The following MACROD1 variants were observed in gnomAD, a reference collection of about 807,000 sequenced individuals.
MACROD1 encodes mono-ADP ribosylhydrolase 1, also known as ADP-ribose glycohydrolase MACROD1.
In MACROD1, 31 loss-of-function variants were observed where a neutral mutation model predicts 41.4. The ratio of observed to expected loss-of-function variants is 0.75; its 90% CI spans 0.56 to 1.01. MACROD1 has a LOEUF of 1.01. Ranked by LOEUF, MACROD1 falls within the 50% of genes least tolerant of loss-of-function variation. MACROD1 has a pLI of 0.00. For synonymous variants in MACROD1, 252 were observed against 203.4 expected, an observed-to-expected ratio of 1.24 and a Z score of -2.03; for missense variants, 473 against 460.0, an observed-to-expected ratio of 1.03 and a Z score of -0.26.
intron 3 of MACROD1, chr11:64,116,822 C>T: frequency 6.2e-7 from 1 of 1,613,152 alleles, no homozygotes; most frequent in East Asian, 2.2e-5. Flanking sequence ...TCTTCCTGAG[C>T]CGGAACCACC....
At chr11:64,044,503 C>T (rs1369799841) in intron 3 of MACROD1, among the ~76,000 whole-genome samples, 5 of 152,138 alleles carry the variant, frequency 3.3e-5, no homozygotes, top group African/African-American at 1.2e-4. Context: ...CCCGCCTTGG[C>T]CTCCTGATTA....
At chr11:64,016,545 C>G (rs1372381809) in intron 3 of MACROD1, among the ~76,000 whole-genome samples, 1 of 152,170 alleles carries the variant, frequency 6.6e-6, no homozygotes, top group South Asian at 2.1e-4. Context: ...GGCTGCAGGC[C>G]CAAGATGCCG....
intron 3 of MACROD1, among the ~76,000 whole-genome samples, chr11:64,019,122 T>C (rs1182338053): frequency 6.6e-6 from 1 of 152,186 alleles, no homozygotes; most frequent in East Asian, 1.9e-4. Flanking sequence ...AAGCACACCC[T>C]GGAGGCTGTG....
chr11:64,057,124 C>G (rs1034004051), intron 3 of MACROD1, among the ~76,000 whole-genome samples: 7 of 152,238 alleles, frequency 4.6e-5, no homozygotes, highest in African/African-American at 1.7e-4. Context: ...CATCGGCTCC[C>G]TAAGTGCTTG....
intron 3 of MACROD1, among the ~76,000 whole-genome samples, chr11:64,077,102 C>T (rs1016806143): frequency 6.6e-6 from 1 of 152,134 alleles, no homozygotes. Context: ...AGCCCAGTGC[C>T]CTCCACCTCA....
At chr11:64,132,056 C>T (rs1364543179) in intron 3 of MACROD1, among the ~76,000 whole-genome samples, 1 of 152,160 alleles carries the variant, frequency 6.6e-6, no homozygotes, top group Admixed American at 6.5e-5. Context: ...CTGCACCTTC[C>T]CCTGCTCTGG....
At chr11:64,001,349 C>G (rs945910059) in intron 4 of MACROD1, 2 of 686,964 alleles carry the variant, frequency 2.9e-6, no homozygotes, top group Admixed American at 4.2e-5. Flanking sequence ...GAGGACAGGG[C>G]CCATCTTTGG....
chr11:64,139,945 G>C (rs191739721), intron 3 of MACROD1, among the ~76,000 whole-genome samples: 2,182 of 134,608 alleles, frequency 0.016, 28 homozygotes, highest in Non-Finnish European at 0.019. Flanking sequence ...GACAGAGCGA[G>C]ACTCAGTCTC....
At chr11:64,105,214 T>C (rs769744810) in intron 3 of MACROD1, among the ~76,000 whole-genome samples, 31 of 152,322 alleles carry the variant, frequency 2.0e-4, no homozygotes, top group Admixed American at 1.3e-3. Context: ...GAGCCGGAGC[T>C]GGGCTGGCTG....
At chr11:64,006,581 A>T (rs535504246) in intron 4 of MACROD1, among the ~76,000 whole-genome samples, 2 of 152,338 alleles carry the variant, frequency 1.3e-5, no homozygotes, top group East Asian at 3.9e-4. Flanking sequence ...TGCCTCATTC[A>T]TCATGCAAAA....
intron 3 of MACROD1, among the ~76,000 whole-genome samples, chr11:64,049,117 G>C (rs1943642261): frequency 6.6e-6 from 1 of 152,210 alleles, no homozygotes. Context: ...ATTCACTGGA[G>C]TGGGGAACAG....
Position 64,067,479 on chromosome 11 carries a change from G to T in MACROD1, c.518-52198C>A, listed in dbSNP as rs900067637. ...AGACGCCCAGCTCAGATAACAGAAGGGAGGAGATAGGTCGGGGACGGGGAC... is the reference window on the plus strand; with the variant it reads ...AGACGCCCAGCTCAGATAACAGAAGTGAGGAGATAGGTCGGGGACGGGGAC... On this transcript the variant is annotated intron_variant, in intron 3 of 10. Coordinates refer to ENST00000255681, the MANE Select transcript of MACROD1 (RefSeq NM_014067.4). This position sits in a 1 kb window ranked among gnomAD's most constrained non-coding sequence, Gnocchi z 4.6. Among the ~76,000 whole-genome samples, 2 of 152,142 alleles carry T rather than the reference G, an allele frequency of 1.3e-5. No homozygotes were observed. Among genetic ancestry groups the T allele is most frequent in the African/African-American group, 4.8e-5 (2 of 41,424 alleles).
chr11:64,005,123 G>A (rs900256262), intron 4 of MACROD1, among the ~76,000 whole-genome samples: 1 of 151,910 alleles, frequency 6.6e-6, no homozygotes, highest in Non-Finnish European at 1.5e-5. Flanking sequence ...TCCGCCTCCC[G>A]GGTTCAAGCA....
rs1299857346 is a variant in MACROD1 at position 64,066,017 on chromosome 11, C to T, written c.518-50736G>A. On this transcript the variant is annotated intron_variant, in intron 3 of 10. Transcript: ENST00000255681. ...AGTGGCTATAAAGATGAATTTAGGC[C>T]GGGTGTGGTGGCTCACGCCTGTAAT... Among the ~76,000 whole-genome samples the T allele has an allele frequency of 3.3e-5, 5 of 151,996 alleles. No homozygotes were observed. In the South Asian group the frequency reaches 8.3e-4, roughly 25 times the overall value.
intron 3 of MACROD1, among the ~76,000 whole-genome samples, chr11:64,060,912 T>C (rs576369473): frequency 4.7e-4 from 71 of 152,012 alleles, no homozygotes; most frequent in African/African-American, 1.5e-3. Context: ...CTTTGCATAT[T>C]CATGACCTTG....
intron 3 of MACROD1, among the ~76,000 whole-genome samples, chr11:64,105,639 A>G (rs1435829634): frequency 6.6e-6 from 1 of 152,142 alleles, no homozygotes; most frequent in Non-Finnish European, 1.5e-5. Context: ...GTGACCCCAC[A>G]GGCGTGAGTG....
At chr11:64,018,018 G>T (rs1400620470) in intron 3 of MACROD1, among the ~76,000 whole-genome samples, 1 of 152,208 alleles carries the variant, frequency 6.6e-6, no homozygotes, top group Non-Finnish European at 1.5e-5. Flanking sequence ...AGGTGAGTGG[G>T]GTGAACTGAC....
intron 2 of MACROD1, 52 bp from the exon 3 acceptor site, chr11:64,151,407 G>C: frequency 7.0e-7 from 1 of 1,430,540 alleles, no homozygotes; most frequent in South Asian, 1.1e-5. Context: ...CACTGCAGAG[G>C]GACCCAGCCA....
In MACROD1 at chr11:64,122,694, C is replaced by A. The variant is rs1322599580; in HGVS notation, c.517+28545G>T. Among the ~76,000 whole-genome samples, 1 of 152,150 alleles carries A rather than the reference C, an allele frequency of 6.6e-6. No individual in the cohort carries two copies. The highest frequency in any genetic ancestry group is 1.5e-5 in the Non-Finnish European group (1 of 68,032). On this transcript the variant is annotated intron_variant, in intron 3 of 10. Coordinates refer to ENST00000255681, the MANE Select transcript of MACROD1 (RefSeq NM_014067.4). This position sits in a 1 kb window ranked among gnomAD's most constrained non-coding sequence, Gnocchi z 4.0. ...GGGGGTGTGCTAGGGAGGGGTCCAG[C>A]GTCACTCAGGAAACTGGTGCTCCAG...
Sources: allele counts gnomAD v4.1 joint callset (sites outside exome capture counted in the v4.1 genomes callset), GRCh38; gene constraint gnomAD v4.1.1; non-coding constraint Gnocchi (gnomAD v3.1); transcripts MANE v1.5; gene names NCBI Gene and HGNC (gene_info 2026-07-23, HGNC 2026-07-21).